Variants in CDIN1 observed in about 807,000 individuals in gnomAD.
CDIN1 encodes CDAN1 interacting nuclease 1.
Under a neutral mutation model 45.3 loss-of-function variants are expected in CDIN1, and 33 were observed. The observed-to-expected ratio is 0.73, with a 90% confidence interval of 0.55 to 0.97. CDIN1 has a LOEUF of 0.97. Among genes scored for constraint, CDIN1 ranks in the 50% least tolerant of loss-of-function variants. CDIN1 has a pLI of 0.00. For synonymous variants in CDIN1, 118 were observed against 124.4 expected, an observed-to-expected ratio of 0.95 and a Z score of 0.34; for missense variants, 303 against 339.4, an observed-to-expected ratio of 0.89 and a Z score of 0.84.
chr15:36,778,113 G>A (rs907537666), intron 10 of CDIN1, among the ~76,000 whole-genome samples: 2 of 152,116 alleles, frequency 1.3e-5, no homozygotes, highest in Non-Finnish European at 2.9e-5. Flanking sequence ...AAGTTACCAC[G>A]GGCCTGGCTT....
chr15:36,634,879 C>G (rs2039831293), intron 1 of CDIN1, among the ~76,000 whole-genome samples: 1 of 152,152 alleles, frequency 6.6e-6, no homozygotes, highest in Non-Finnish European at 1.5e-5. Context: ...TCCATCACTT[C>G]CTCTTTCATC....
chr15:36,647,635 T>C (rs1048454828), intron 3 of CDIN1: 1 of 152,206 alleles, frequency 6.6e-6, no homozygotes, highest in African/African-American at 2.4e-5. Context: ...AATGTGCAGG[T>C]CAAATGTTCC....
chr15:36,713,614 A>G (rs1200869705), intron 10 of CDIN1, among the ~76,000 whole-genome samples: 1 of 152,164 alleles, frequency 6.6e-6, no homozygotes, highest in Non-Finnish European at 1.5e-5. Flanking sequence ...TCTGAAGATC[A>G]GTTATTTAAT....
intron 1 of CDIN1, among the ~76,000 whole-genome samples, chr15:36,595,649 T>C (rs2037786113): frequency 6.6e-6 from 1 of 152,164 alleles, no homozygotes; most frequent in Non-Finnish European, 1.5e-5. Context: ...TCCCTGGGAC[T>C]GATCAGCTCT....
chr15:36,657,984 C>A, intron 5 of CDIN1, 79 bp downstream of exon 5: 1 of 1,243,520 alleles, frequency 8.0e-7, no homozygotes, highest in South Asian at 1.3e-5. Flanking sequence ...CATTTCAAGT[C>A]ACTTAATGAG....
chr15:36,745,953 G>A (rs1179467311), intron 10 of CDIN1, among the ~76,000 whole-genome samples: 1 of 152,032 alleles, frequency 6.6e-6, no homozygotes, highest in Non-Finnish European at 1.5e-5. Flanking sequence ...GCGACAGAGT[G>A]AGACGCCATC....
At chr15:36,752,185 C>A (rs1324847703) in intron 10 of CDIN1, among the ~76,000 whole-genome samples, 2 of 152,206 alleles carry the variant, frequency 1.3e-5, no homozygotes, top group Admixed American at 1.3e-4. Context: ...GATTTACCTT[C>A]ATTTAAATAG....
chr15:36,800,489 C>T (rs1278305988), intron 10 of CDIN1, among the ~76,000 whole-genome samples: 5 of 152,108 alleles, frequency 3.3e-5, no homozygotes, highest in Admixed American at 1.3e-4. Flanking sequence ...TATACACATA[C>T]TTTGCATATA....
At chr15:36,701,401 G>C (rs1162132072) in intron 8 of CDIN1, among the ~76,000 whole-genome samples, 2 of 152,072 alleles carry the variant, frequency 1.3e-5, no homozygotes, top group East Asian at 1.9e-4. Flanking sequence ...GTATTTTGCT[G>C]TGTTTTTTTG....
rs550623819 is a variant in CDIN1 at position 36,755,833 on chromosome 15, T to G, written c.716+45872T>G. 7 of 219,938 alleles carry G rather than the reference T, an allele frequency of 3.2e-5. No homozygotes were observed. In the East Asian group the frequency reaches 8.7e-4, roughly 27 times the overall value. The allele number at this position is 219,938 out of a possible 1,614,324, so 13.6% of individuals were successfully genotyped here. On this transcript the variant is annotated intron_variant, in intron 10 of 10. Coordinates refer to ENST00000566621, the MANE Select transcript of CDIN1 (RefSeq NM_001321759.2). The stretch of plus-strand genomic sequence containing the variant: ...CAGTGGACGCTACAGATGTTGAATC[T>G]TGAGCCTTTATTTATGTGGATCACA...
At chr15:36,741,153 G>C (rs1014164536) in intron 10 of CDIN1, among the ~76,000 whole-genome samples, 3 of 152,130 alleles carry the variant, frequency 2.0e-5, no homozygotes, top group African/African-American at 7.2e-5. Flanking sequence ...ACTTTAAATA[G>C]TGACAATTAA....
chr15:36,750,072 G>T (rs952026389), intron 10 of CDIN1, among the ~76,000 whole-genome samples: 1 of 152,168 alleles, frequency 6.6e-6, no homozygotes, highest in Non-Finnish European at 1.5e-5. Context: ...GCCTAGAAAA[G>T]AATTATGTGT....
chr15:36,588,976 G>C (rs2037439089), intron 1 of CDIN1, among the ~76,000 whole-genome samples: 2 of 151,910 alleles, frequency 1.3e-5, no homozygotes, highest in Non-Finnish European at 1.5e-5. Context: ...TAGAATATTG[G>C]CTTTATTTAA....
intron 10 of CDIN1, among the ~76,000 whole-genome samples, chr15:36,782,377 C>T (rs557118248): frequency 1.3e-5 from 2 of 152,148 alleles, no homozygotes; most frequent in Non-Finnish European, 1.5e-5. Context: ...GAGGCAAAAC[C>T]GCATTTTAAT....
chr15:36,588,694 AT>A (rs1453406675), intron 1 of CDIN1, among the ~76,000 whole-genome samples: 1 of 145,382 alleles, frequency 6.9e-6, no homozygotes, highest in African/African-American at 2.8e-5. Flanking sequence ...TATTATTATT[AT>A]TTTTTTACTT....
intron 1 of CDIN1, among the ~76,000 whole-genome samples, chr15:36,628,475 G>A (rs1378582671): frequency 1.3e-5 from 2 of 152,124 alleles, no homozygotes; most frequent in Non-Finnish European, 2.9e-5. Flanking sequence ...TATAGATGAA[G>A]CTGCTATAAA....
At chr15:36,633,906 C>T (rs186304274) in intron 1 of CDIN1, among the ~76,000 whole-genome samples, 70 of 152,118 alleles carry the variant, frequency 4.6e-4, no homozygotes, top group Admixed American at 1.2e-3. Flanking sequence ...TACAGGCATG[C>T]GCCATGATGC....
In CDIN1 at chr15:36,785,619, T is replaced by C. The variant is rs1394575172; in HGVS notation, c.717-22705T>C. On this transcript the variant is annotated intron_variant, in intron 10 of 10. Transcript: ENST00000566621. ...CGGCTGATTGGACTTGGGACTTTTC[T>C]ACACATTGCAACTTGAAAACTTGCT... Among the ~76,000 whole-genome samples the C allele has an allele frequency of 2.0e-5, 3 of 152,174 alleles. No homozygotes were observed. The East Asian group carries it at 5.8e-4, about 29-fold the overall frequency.
chr15:36,617,395 A>C (rs2038945472), intron 1 of CDIN1: 1 of 1,514,694 alleles, frequency 6.6e-7, no homozygotes, highest in Admixed American at 1.7e-5. Flanking sequence ...GAGTTACCAA[A>C]TATATGATGT....
Sources: allele counts gnomAD v4.1 joint callset (sites outside exome capture counted in the v4.1 genomes callset), GRCh38; gene constraint gnomAD v4.1.1; transcripts MANE v1.5; gene names NCBI Gene and HGNC (gene_info 2026-07-23, HGNC 2026-07-21).